Variants in TRAF3IP1 observed in about 807,000 individuals in gnomAD.
The protein encoded by TRAF3IP1 is intraflagellar transport 54.
Under a neutral mutation model 89.9 loss-of-function variants are expected in TRAF3IP1, and 53 were observed. The observed-to-expected ratio is 0.59, with a 90% CI of 0.47 to 0.74. TRAF3IP1 has a LOEUF of 0.74. TRAF3IP1 is among the 30% of genes least tolerant of loss of function. TRAF3IP1 has a pLI of 0.00. For synonymous variants in TRAF3IP1, 311 were observed against 322.1 expected (o/e 0.97, Z 0.37); for missense variants, 806 against 866.1 (o/e 0.93, Z 0.87).
chr2:238,357,263 C>T (rs2106333023), intron 15 of TRAF3IP1, among the ~76,000 whole-genome samples: 1 of 152,282 alleles, frequency 6.6e-6, no homozygotes, highest in East Asian at 1.9e-4. Context: ...TCTCAAATGC[C>T]ACAGCCAGGT....
At chr2:238,367,207 GATT>G (rs1163924964) in intron 15 of TRAF3IP1, among the ~76,000 whole-genome samples, 1 of 139,470 alleles carries the variant, frequency 7.2e-6, no homozygotes, top group Non-Finnish European at 1.5e-5. Context: ...AGTGGATAAG[GATT>G]AGAATTAAAT....
At position 238,333,855 on chromosome 2, in the gene TRAF3IP1, G is replaced by T. The variant is rs182843610; in HGVS notation, c.988-105G>T. 28 of 946,478 alleles carry T rather than the reference G, an allele frequency of 3.0e-5. No homozygotes were observed. The East Asian group carries it at 7.4e-4, about 25-fold the overall frequency. 58.6% of individuals were successfully genotyped at this position (946,478 alleles called of 1,614,324 possible). A position where few individuals can be genotyped will look rare whatever the true frequency, so the allele number is the denominator to read the frequency against. ...TTAAAGCATATGGGCACTATTGCTG[G>T]ATTTCATACTTGTTCTTCCTCAAGA... is the stretch of plus-strand genomic sequence containing the variant. On this transcript the variant is annotated intron_variant, in intron 6 of 16. Transcript: ENST00000373327.
chr2:238,377,282 G>A (rs1700360854), intron 15 of TRAF3IP1, among the ~76,000 whole-genome samples: 1 of 124,014 alleles, frequency 8.1e-6, no homozygotes, highest in Admixed American at 1.1e-4. Flanking sequence ...CACCCAGGCT[G>A]GAGTGCAGTG....
In TRAF3IP1 at chr2:238,320,607, A is replaced by G. The variant is rs1430048654; in HGVS notation, c.-56A>G. 3.4e-6 allele frequency: 4 copies of G among 1,173,842 alleles called. No homozygotes were observed. In the Admixed American group the frequency reaches 1.7e-4, roughly 50 times the overall value. 72.7% of individuals were successfully genotyped at this position (1,173,842 alleles called of 1,614,324 possible). A position where few individuals can be genotyped will look rare whatever the true frequency, so the allele number is the denominator to read the frequency against. On this transcript the variant is annotated 5_prime_UTR_variant, in exon 1 of 17. It removes the in-frame stop codon of an upstream open reading frame in the 5' UTR. Coordinates refer to ENST00000373327, the MANE Select transcript of TRAF3IP1 (RefSeq NM_015650.4). ...CGGCGGCGGCCAGGGACCCGGGCTTAGGCTCGGCCAGGCCGGCTGAGGGGC... is the reference window on the plus strand; with the variant it reads ...CGGCGGCGGCCAGGGACCCGGGCTTGGGCTCGGCCAGGCCGGCTGAGGGGC...
At chr2:238,338,775 G>A (rs548764370) in intron 8 of TRAF3IP1, among the ~76,000 whole-genome samples, 4 of 152,262 alleles carry the variant, frequency 2.6e-5, no homozygotes, top group South Asian at 2.1e-4. Context: ...ATAGAGAAAC[G>A]GTTTTTATGT....
chr2:238,358,513 A>G, intron 15 of TRAF3IP1, among the ~76,000 whole-genome samples: 1 of 152,160 alleles, frequency 6.6e-6, no homozygotes, highest in East Asian at 1.9e-4. Flanking sequence ...TCCAGCTTGG[A>G]TGACAGAGCA....
intron 15 of TRAF3IP1, among the ~76,000 whole-genome samples, chr2:238,396,745 C>G (rs554940770): frequency 6.6e-6 from 1 of 152,096 alleles, no homozygotes; most frequent in Admixed American, 6.5e-5. Context: ...TCTCTGCGTC[C>G]TCCTCACCTC....
intron 15 of TRAF3IP1, among the ~76,000 whole-genome samples, chr2:238,370,984 C>T (rs1700086747): frequency 6.6e-6 from 1 of 152,174 alleles, no homozygotes; most frequent in African/African-American, 2.4e-5. Flanking sequence ...CCTCTGAGTG[C>T]TAGGGAGCGG....
intron 15 of TRAF3IP1, among the ~76,000 whole-genome samples, chr2:238,384,605 G>T (rs1020649224): frequency 5.0e-4 from 69 of 137,050 alleles, no homozygotes; most frequent in South Asian, 2.3e-4. Context: ...GGCTGGTCTT[G>T]AGCTCCTGAC....
chr2:238,374,498 C>CT (rs761939233), intron 15 of TRAF3IP1, among the ~76,000 whole-genome samples: 2 of 152,040 alleles, frequency 1.3e-5, no homozygotes, highest in South Asian at 2.1e-4. Flanking sequence ...GGTGGATAAG[C>CT]TTTTTTTTGA....
In TRAF3IP1 at chr2:238,328,804, A is replaced by C; in HGVS notation, c.473A>C (p.Glu158Ala). The change falls in exon 4 of 17, where the codon GAG becomes GCG. Residue 158 changes from glutamate to alanine, a missense_variant. Glu to Ala is a moderately radical substitution (Grantham distance 107). Coordinates refer to ENST00000373327, the MANE Select transcript of TRAF3IP1 (RefSeq NM_015650.4). ...GATAATAAGAATGTGCGAGAAGAAG[A>C]GTCCAGAGTTCACAAAAATACAGAG... ...ELDNKNVREE[E>A]SRVHKNTEDR... 7 of 1,613,772 alleles carry C rather than the reference A, an allele frequency of 4.3e-6. No homozygotes were observed. Among genetic ancestry groups the C allele is most frequent in the Non-Finnish European group, 5.9e-6 (7 of 1,179,856 alleles).
rs1361294839 is a variant in TRAF3IP1, at chr2:238,332,853, G to A, written c.945G>A (p.Lys315=). Residue 315 remains lysine, a synonymous_variant, in exon 6 of 17, where the codon AAG becomes AAA. Coordinates refer to ENST00000373327, the MANE Select transcript of TRAF3IP1 (RefSeq NM_015650.4). Reference sequence around the variant, plus strand: ...CAAGCTCAGGGGAGATGTCTAAAAAGTTATCAGATGGAACTTTTAAAGACT... The same window carrying A: ...CAAGCTCAGGGGAGATGTCTAAAAAATTATCAGATGGAACTTTTAAAGACT... ...KSASSGEMSK[K]LSDGTFKDSK... is the part of the protein sequence containing the mutation. The A allele has an allele frequency of 1.2e-6, 2 of 1,611,664 alleles. No homozygotes were observed. Among genetic ancestry groups the A allele is most frequent in the Non-Finnish European group, 1.7e-6 (2 of 1,178,676 alleles).
chr2:238,328,962 A>G lies in TRAF3IP1; in HGVS notation c.535A>G (p.Ser179Gly), dbSNP rs1697978594. 6.4e-7 allele frequency: 1 copy of G among 1,556,060 alleles called. No individual in the cohort carries two copies. The highest frequency in any genetic ancestry group is 1.4e-5 in the African/African-American group (1 of 72,482). ...CGCTGAAATAAAAGAGAGAAGTACA[A>G]GCAGAGATCGAAAACAGAAGGAAGA... ...GDAEIKERST[S>G]RDRKQKEELK... The change falls in exon 5 of 17, where the codon AGC becomes GGC. Residue 179 changes from serine (S) to glycine (G), a missense_variant. Physicochemically the swap from Ser to Gly is moderately conservative, Grantham distance 56. Transcript: ENST00000373327.
intron 8 of TRAF3IP1, among the ~76,000 whole-genome samples, chr2:238,339,503 A>T (rs1289672599): frequency 2.6e-5 from 4 of 152,258 alleles, no homozygotes; most frequent in Non-Finnish European, 4.4e-5. Flanking sequence ...AGGAGAGGGC[A>T]GCAGGCAGTG....
intron 9 of TRAF3IP1, 50 bp from the exon 10 acceptor site, chr2:238,347,405 A>G (rs761226260): frequency 7.5e-6 from 12 of 1,603,288 alleles, no homozygotes; most frequent in Non-Finnish European, 9.4e-6. Context: ...CATTTAATGT[A>G]TTGAGGTTGA....
intron 3 of TRAF3IP1, 89 bp from the exon 4 acceptor site, chr2:238,328,597 G>A (rs1416839847): frequency 1.3e-5 from 19 of 1,442,124 alleles, no homozygotes; most frequent in Non-Finnish European, 1.8e-5. Context: ...TCTGTCTCAT[G>A]AGCTATCTTT....
At chr2:238,364,135 C>T (rs769605024) in intron 15 of TRAF3IP1, among the ~76,000 whole-genome samples, 2 of 152,046 alleles carry the variant, frequency 1.3e-5, no homozygotes, top group Non-Finnish European at 2.9e-5. Context: ...TGTGCCCTTC[C>T]TTAGTCTTGA....
intron 15 of TRAF3IP1, among the ~76,000 whole-genome samples, chr2:238,388,161 G>A (rs544476553): frequency 5.3e-4 from 81 of 152,250 alleles, no homozygotes; most frequent in African/African-American, 1.9e-3. Flanking sequence ...GATCACTTGA[G>A]GTCAGGAGTT....
At chr2:238,344,690 G>C in intron 9 of TRAF3IP1, 92 bp downstream of exon 9, 1 of 1,119,834 alleles carries the variant, frequency 8.9e-7, no homozygotes, top group Non-Finnish European at 1.4e-6. Flanking sequence ...AGAGCCCGAG[G>C]TTTTCCTCTT....
Sources: allele counts gnomAD v4.1 joint callset (sites outside exome capture counted in the v4.1 genomes callset), GRCh38; gene constraint gnomAD v4.1.1; transcripts MANE v1.5; gene names NCBI Gene and HGNC (gene_info 2026-07-23, HGNC 2026-07-21).